The following CRISP1 variants were observed in gnomAD, a reference collection of about 807,000 sequenced individuals.
CRISP1 encodes cysteine rich secretory protein 1.
A neutral mutation model predicts 33.1 loss-of-function variants in CRISP1; 44 were observed. The observed-to-expected ratio is 1.33, with a 90% CI of 1.05 to 1.71. CRISP1 has a LOEUF of 1.71. Among genes scored for constraint, CRISP1 ranks in the 40% most tolerant of loss-of-function variants. The probability of loss-of-function intolerance (pLI) is 0.00; values close to 1 mark genes in which losing one functional copy is unlikely to be tolerated. For synonymous variants in CRISP1, 103 were observed against 98.7 expected, an observed-to-expected ratio of 1.04 and a Z score of -0.26; for missense variants, 390 against 301.2, an observed-to-expected ratio of 1.29 and a Z score of -2.18.
At chr6:49,876,983 G>A (rs1031975454) in intron 1 of CRISP1, 8 of 151,768 alleles carry the variant, frequency 5.3e-5, no homozygotes, top group African/African-American at 1.9e-4. Context: ...AAACCACCAT[G>A]GCACACATTC....
At chr6:49,837,160 T>C (rs1413870799) in intron 7 of CRISP1, among the ~76,000 whole-genome samples, 1 of 152,186 alleles carries the variant, frequency 6.6e-6, no homozygotes, top group Admixed American at 6.5e-5. Context: ...GTCTAGGTCT[T>C]ACATTTTTAG....
chr6:49,870,124 AAGAT>A (rs1771889242), upstream of CRISP1, among the ~76,000 whole-genome samples: 2 of 152,216 alleles, frequency 1.3e-5, no homozygotes. Flanking sequence ...CTAAGAAAGA[AAGAT>A]AGACAAATAA....
intron 2 of CRISP1, among the ~76,000 whole-genome samples, chr6:49,853,975 T>C (rs1771424399): frequency 6.6e-6 from 1 of 152,170 alleles, no homozygotes; most frequent in Non-Finnish European, 1.5e-5. Flanking sequence ...GCTAATCAAT[T>C]CTAATGAATT....
At chr6:49,844,914 G>A (rs1008856839) in intron 5 of CRISP1, among the ~76,000 whole-genome samples, 2 of 152,086 alleles carry the variant, frequency 1.3e-5, no homozygotes, top group African/African-American at 4.8e-5. Flanking sequence ...TGAATCTCAT[G>A]CATTTAGATA....
At chr6:49,852,822 C>T (rs1771390183) in intron 2 of CRISP1, among the ~76,000 whole-genome samples, 1 of 150,100 alleles carries the variant, frequency 6.7e-6, no homozygotes, top group Non-Finnish European at 1.5e-5. Flanking sequence ...TTTAGGTTAG[C>T]ATTAATCGCT....
chr6:49,849,806 C>T (rs1771293883), intron 3 of CRISP1, among the ~76,000 whole-genome samples: 1 of 151,734 alleles, frequency 6.6e-6, no homozygotes, highest in African/African-American at 2.4e-5. Context: ...TTTACTAAAC[C>T]GTGAGATGAA....
intron 1 of CRISP1, among the ~76,000 whole-genome samples, chr6:49,871,849 A>G (rs1032158814): frequency 6.6e-6 from 1 of 152,062 alleles, no homozygotes; most frequent in African/African-American, 2.4e-5. Flanking sequence ...GAATAGTGCC[A>G]CAATAAACAT....
intron 1 of CRISP1, among the ~76,000 whole-genome samples, chr6:49,872,218 A>G (rs1771940386): frequency 6.6e-6 from 1 of 152,010 alleles, no homozygotes; most frequent in Admixed American, 6.6e-5. Context: ...GTGTCTGTTC[A>G]TATCCTTTGC....
chr6:49,876,640 C>T (rs1366874526), intron 1 of CRISP1, among the ~76,000 whole-genome samples: 1 of 151,878 alleles, frequency 6.6e-6, no homozygotes, highest in Non-Finnish European at 1.5e-5. Flanking sequence ...AACTTAAATG[C>T]CCATCAATTA....
intron 5 of CRISP1, among the ~76,000 whole-genome samples, chr6:49,841,656 G>C (rs749312709): frequency 2.6e-5 from 4 of 152,136 alleles, no homozygotes; most frequent in African/African-American, 4.8e-5. Flanking sequence ...AATGAAGGCT[G>C]CTTGGTGGTT....
chr6:49,849,500 C>T (rs1209557693), intron 3 of CRISP1, among the ~76,000 whole-genome samples: 2 of 152,140 alleles, frequency 1.3e-5, no homozygotes, highest in Non-Finnish European at 2.9e-5. Context: ...TCTTCCCAGG[C>T]AATGGGCAAT....
intron 2 of CRISP1, among the ~76,000 whole-genome samples, chr6:49,856,184 C>T (rs1485142063): frequency 6.6e-6 from 1 of 152,084 alleles, no homozygotes; most frequent in East Asian, 1.9e-4. Flanking sequence ...ATACTAATTT[C>T]TTCTTTCACA....
intron 4 of CRISP1, 27 bp downstream of exon 4, chr6:49,848,182 A>T: frequency 2.3e-6 from 3 of 1,294,710 alleles, no homozygotes; most frequent in African/African-American, 1.5e-5. Context: ...TTTAGTCCAA[A>T]GGCGGGTCAT....
chr6:49,875,156 A>C (rs1037414403), intron 1 of CRISP1, among the ~76,000 whole-genome samples: 1 of 151,892 alleles, frequency 6.6e-6, no homozygotes, highest in African/African-American at 2.4e-5. Flanking sequence ...TATATAGAAA[A>C]CTCCATTGTC....
At chr6:49,846,466 C>A in intron 5 of CRISP1, 54 bp downstream of exon 5, 1 of 1,539,098 alleles carries the variant, frequency 6.5e-7, no homozygotes, top group Non-Finnish European at 8.8e-7. Flanking sequence ...GTTACGTTTC[C>A]ACACACATGC....
upstream of CRISP1, among the ~76,000 whole-genome samples, chr6:49,870,232 G>A (rs184467684): frequency 4.1e-4 from 62 of 152,278 alleles, no homozygotes; most frequent in East Asian, 0.011. Flanking sequence ...TTTAGATACA[G>A]TTAATTTGGA....
At position 49,848,376 on chromosome 6, in the gene CRISP1, C is replaced by A. The variant is rs529721622; in HGVS notation, c.196-77G>T. On this transcript the variant is annotated intron_variant, in intron 3 of 7. Coordinates refer to ENST00000335847, the MANE Select transcript of CRISP1 (RefSeq NM_001131.3). Reference sequence around the variant, plus strand: ...ATTCTAATTTATTGTTTTTAATAATCCACGAGATATAATATCTTCAATTGT... The same window carrying A: ...ATTCTAATTTATTGTTTTTAATAATACACGAGATATAATATCTTCAATTGT... The A allele has an allele frequency of 7.0e-5, 58 of 824,424 alleles. 2 individuals carry two copies. The South Asian group carries it at 1.1e-3, about 16-fold the overall frequency. The allele number at this position is 824,424 out of a possible 1,614,324, so 51.1% of individuals were successfully genotyped here.
Position 49,846,609 on chromosome 6 carries a change from T to G in CRISP1, c.346A>C (p.Ile116Leu), listed in dbSNP as rs1295072640. Reference sequence around the variant, plus strand: ...GTAGACTCACTGTACCAGACTCCAATTACACTTGACCATGATACAGGATAA... The same window carrying G: ...GTAGACTCACTGTACCAGACTCCAAGTACACTTGACCATGATACAGGATAA... ...TSYPVSWSSV[I>L]GVWYSESTSF... is the part of the protein sequence containing the mutation. Residue 116 changes from isoleucine (I) to leucine (L), a missense_variant, in exon 5 of 8, where the codon ATT becomes CTT. Physicochemically the swap from Ile to Leu is conservative, Grantham distance 5. Transcript: ENST00000335847. 2 of 1,613,488 alleles carry G rather than the reference T, an allele frequency of 1.2e-6. No homozygotes were observed. The highest frequency in any genetic ancestry group is 1.3e-5 in the African/African-American group (1 of 74,906).
At chr6:49,857,237 G>T in intron 2 of CRISP1, 98 bp downstream of exon 2, 1 of 1,096,662 alleles carries the variant, frequency 9.1e-7, no homozygotes, top group Non-Finnish European at 1.4e-6. Context: ...TGGGTGTAGT[G>T]GCCTCACAAC....
Sources: gnomAD v4.1 joint callset for allele counts (sites outside exome capture counted in the v4.1 genomes callset) on GRCh38, gnomAD v4.1.1 for gene constraint, MANE v1.5 for transcripts, NCBI Gene and HGNC (gene_info 2026-07-23, HGNC 2026-07-21) for gene names.